Variants in ZDHHC13 observed in about 807,000 individuals in gnomAD.
The protein encoded by ZDHHC13 is palmitoyltransferase ZDHHC13.
A neutral mutation model predicts 86.0 loss-of-function variants in ZDHHC13; 85 were observed. The observed-to-expected ratio is 0.99, with a 90% CI of 0.83 to 1.18. The LOEUF (loss-of-function observed/expected upper bound fraction) is 1.18. ZDHHC13 is among the 50% of genes most tolerant of loss of function. The pLI is 0.00. For synonymous variants in ZDHHC13, 263 were observed against 246.4 expected (o/e 1.07, Z -0.63); for missense variants, 711 against 730.2 (o/e 0.97, Z 0.30).
At chr11:19,152,039 C>T in intron 6 of ZDHHC13, 119 bp from the exon 7 acceptor site, 1 of 1,098,786 alleles carries the variant, frequency 9.1e-7, no homozygotes, top group Admixed American at 2.6e-5. Context: ...TTTCTCAGTT[C>T]TGAATACTTA....
chr11:19,131,559 A>T (rs1272579096), intron 1 of ZDHHC13, among the ~76,000 whole-genome samples: 1 of 151,952 alleles, frequency 6.6e-6, no homozygotes, highest in East Asian at 1.9e-4. Flanking sequence ...TGTTTCTTCA[A>T]TTTAAATGGT....
intron 1 of ZDHHC13, among the ~76,000 whole-genome samples, chr11:19,132,931 A>G (rs1849034307): frequency 6.6e-6 from 1 of 152,184 alleles, no homozygotes; most frequent in Admixed American, 6.6e-5. Context: ...ACAGAAGTAG[A>G]AGGCTCTACT....
chr11:19,133,810 T>G (rs1428739063), intron 1 of ZDHHC13, among the ~76,000 whole-genome samples: 1 of 151,444 alleles, frequency 6.6e-6, no homozygotes, highest in African/African-American at 2.4e-5. Flanking sequence ...GAGCATAGCA[T>G]GTGTCCGGGC....
rs1041823307 is a variant in ZDHHC13 at position 19,141,090 on chromosome 11, A to G, written c.28-1888A>G. Among the ~76,000 whole-genome samples the G allele has an allele frequency of 2.0e-5, 3 of 151,962 alleles. No individual in the cohort carries two copies. The East Asian group carries it at 5.8e-4, about 29-fold the overall frequency. On this transcript the variant is annotated intron_variant, in intron 1 of 16. Coordinates refer to ENST00000446113, the MANE Select transcript of ZDHHC13 (RefSeq NM_019028.3). ...ATAATAATAAAAAAAAAAAAGAAAA[A>G]AAAGTACTGATTCAGGGAGGTTTCT...
chr11:19,142,084 A>G (rs1043218047), intron 1 of ZDHHC13, among the ~76,000 whole-genome samples: 1 of 152,168 alleles, frequency 6.6e-6, no homozygotes, highest in African/African-American at 2.4e-5. Flanking sequence ...GAGTCTAGGC[A>G]TGGCTTAGCT....
At chr11:19,170,609 C>G (rs751975040) in intron 15 of ZDHHC13, 41 bp downstream of exon 15, 28 of 1,484,650 alleles carry the variant, frequency 1.9e-5, no homozygotes, top group Non-Finnish European at 2.7e-6. Flanking sequence ...AGTAAAATTT[C>G]TAAAACTTGT....
intron 1 of ZDHHC13, among the ~76,000 whole-genome samples, chr11:19,142,148 C>T (rs1192644890): frequency 6.6e-6 from 1 of 152,066 alleles, no homozygotes; most frequent in African/African-American, 2.4e-5. Context: ...GCTTGGGGTC[C>T]TCTTTCTAGT....
chr11:19,137,586 C>G (rs1849179569), intron 1 of ZDHHC13, among the ~76,000 whole-genome samples: 1 of 151,962 alleles, frequency 6.6e-6, no homozygotes, highest in Non-Finnish European at 1.5e-5. Context: ...ATCTACAGAA[C>G]TCTCCACCCC....
intron 6 of ZDHHC13, 62 bp from the exon 7 acceptor site, chr11:19,152,096 C>A: frequency 6.5e-7 from 1 of 1,529,540 alleles, no homozygotes; most frequent in Non-Finnish European, 8.9e-7. Context: ...TCATAATTTG[C>A]ATTTACTCCT....
At position 19,152,218 on chromosome 11, in the gene ZDHHC13, A is replaced by T; in HGVS notation, c.645A>T (p.Ile215=). The change falls in exon 7 of 17, where the codon ATA becomes ATT. Residue 215 remains isoleucine, a synonymous_variant. Coordinates refer to ENST00000446113, the MANE Select transcript of ZDHHC13 (RefSeq NM_019028.3). ...FNPSLNVVDK[I]HQNTPLHWAV... ...CTTCTCTCAATGTGGTTGATAAAAT[A>T]CACCAAAACACTCCACTTCACTGGG... 1 of 1,613,422 alleles carries T rather than the reference A, an allele frequency of 6.2e-7. No homozygotes were observed. Among genetic ancestry groups the T allele is most frequent in the African/African-American group, 1.3e-5 (1 of 75,038 alleles).
Position 19,136,504 on chromosome 11 carries a change from C to A in ZDHHC13, c.28-6474C>A, listed in dbSNP as rs533399698. On this transcript the variant is annotated intron_variant, in intron 1 of 16. Coordinates refer to ENST00000446113, the MANE Select transcript of ZDHHC13 (RefSeq NM_019028.3). ...ACCAAGTTGGAAAACACTCTGCAGGCTATTATCCAGGAGAACTTCCCCAAT... is the reference window on the plus strand; with the variant it reads ...ACCAAGTTGGAAAACACTCTGCAGGATATTATCCAGGAGAACTTCCCCAAT... Among the ~76,000 whole-genome samples the A allele has an allele frequency of 1.2e-3, 179 of 152,256 alleles. 1 individual carries two copies. The highest frequency in any genetic ancestry group is 4.1e-3 in the African/African-American group (170 of 41,538).
rs1023009382 is a variant in ZDHHC13 at position 19,117,967 on chromosome 11, T to A, written c.27+691T>A. On this transcript the variant is annotated intron_variant, in intron 1 of 16. Transcript: ENST00000446113. The surrounding 1 kb of genome is among the most constrained non-coding windows in gnomAD (Gnocchi z 4.2). ...AGATGTTGTCTCCAAGAAAACAAGA[T>A]TTTTGTGCTTTTTGCTTATGGCCCT... The A allele has an allele frequency of 6.6e-6, 1 of 152,180 alleles. No homozygotes were observed. Among genetic ancestry groups the A allele is most frequent in the African/African-American group, 2.4e-5 (1 of 41,434 alleles). 9.4% of individuals were successfully genotyped at this position (152,180 alleles called of 1,614,324 possible).
intron 1 of ZDHHC13, among the ~76,000 whole-genome samples, chr11:19,121,474 T>A (rs1028412604): frequency 2.0e-5 from 3 of 152,252 alleles, no homozygotes; most frequent in African/African-American, 7.2e-5. Flanking sequence ...AGGCATTCAG[T>A]AAATGTCTAG....
At chr11:19,152,461 A>G in intron 7 of ZDHHC13, 98 bp from the exon 8 acceptor site, 1 of 1,450,226 alleles carries the variant, frequency 6.9e-7, no homozygotes, top group Non-Finnish European at 9.2e-7. Flanking sequence ...TCCTTGGAAT[A>G]ATGTGTTGAG....
At chr11:19,163,779 T>G (rs1849978157) in intron 11 of ZDHHC13, among the ~76,000 whole-genome samples, 1 of 152,162 alleles carries the variant, frequency 6.6e-6, no homozygotes, top group South Asian at 2.1e-4. Context: ...GGGAGAGTCC[T>G]TCTGCTTATT....
At chr11:19,144,318 A>C (rs988089938) in intron 2 of ZDHHC13, among the ~76,000 whole-genome samples, 5 of 152,094 alleles carry the variant, frequency 3.3e-5, no homozygotes, top group Non-Finnish European at 7.4e-5. Context: ...AGGGAATCTC[A>C]GTAAAAACTC....
intron 1 of ZDHHC13, among the ~76,000 whole-genome samples, chr11:19,137,445 T>C (rs1849174743): frequency 6.6e-6 from 1 of 151,904 alleles, no homozygotes; most frequent in Non-Finnish European, 1.5e-5. Flanking sequence ...CAAAGAGACT[T>C]AGACTCCCAC....
intron 1 of ZDHHC13, among the ~76,000 whole-genome samples, chr11:19,140,346 C>A (rs571890810): frequency 2.0e-5 from 3 of 152,260 alleles, no homozygotes; most frequent in South Asian, 2.1e-4. Context: ...CAGAGAAATG[C>A]AAATCAAAAC....
At chr11:19,130,795 C>T (rs1374706114) in intron 1 of ZDHHC13, among the ~76,000 whole-genome samples, 2 of 151,028 alleles carry the variant, frequency 1.3e-5, no homozygotes, top group Non-Finnish European at 2.9e-5. Context: ...TGAGTGTATT[C>T]TTATCTTTGC....
Sources: gnomAD v4.1 joint callset for allele counts (sites outside exome capture counted in the v4.1 genomes callset) on GRCh38, gnomAD v4.1.1 for gene constraint, Gnocchi (gnomAD v3.1) non-coding constraint, MANE v1.5 for transcripts, NCBI Gene and HGNC (gene_info 2026-07-23, HGNC 2026-07-21) for gene names.